Variants in MUC5B observed in about 807,000 individuals in gnomAD.
The protein encoded by MUC5B is mucin-5B.
In MUC5B, 116 loss-of-function variants were observed where a neutral mutation model predicts 376.9. That is an observed-to-expected ratio of 0.31 (90% CI 0.26 to 0.36). The LOEUF (loss-of-function observed/expected upper bound fraction) is 0.36. MUC5B is among the 10% of genes least tolerant of loss of function. The probability of loss-of-function intolerance (pLI) is 1.00; values close to 1 mark genes in which losing one functional copy is unlikely to be tolerated. For missense variants in MUC5B, 7,165 were observed against 7,769.9 expected (o/e 0.92, Z 2.93); for synonymous variants, 3,517 against 3,390.9 (o/e 1.04, Z -1.29).
In MUC5B at chr11:1,261,569, C is replaced by T. The variant is rs373932014; in HGVS notation, c.17250C>T (p.His5750=). 4.4e-6 allele frequency: 7 copies of T among 1,608,236 alleles called. No homozygotes were observed. The highest frequency in any genetic ancestry group is 2.7e-5 in the African/African-American group (2 of 74,870). Residue 5750 remains histidine, a synonymous_variant, in exon 49 of 49, where the codon CAC becomes CAT. Transcript: ENST00000529681. Reference sequence around the variant, plus strand: ...TCCCTGCGCCCATGGCTCCCCCACACACCCGTGGCTTCCCGGCCCAGGAGG... The same window carrying T: ...TCCCTGCGCCCATGGCTCCCCCACATACCCGTGGCTTCCCGGCCCAGGAGG... ...FCVPAPMAPP[H]TRGFPAQEAT...
rs1196763367 is a variant in MUC5B, at chr11:1,248,014, C to G, written c.11134C>G (p.Pro3712Ala). 1 of 1,608,542 alleles carries G rather than the reference C, an allele frequency of 6.2e-7. No individual in the cohort carries two copies. The highest frequency in any genetic ancestry group is 1.3e-5 in the African/African-American group (1 of 74,142). ...TTESTGSTAT[P>A]SSTPGTTWIL... ...TGAGTCCACTGGATCCACGGCCACCCCGTCCTCCACCCCAGGGACCACCTG... is the reference window on the plus strand; with the variant it reads ...TGAGTCCACTGGATCCACGGCCACCGCGTCCTCCACCCCAGGGACCACCTG... Residue 3712 changes from proline (P) to alanine (A), a missense_variant, in exon 31 of 49, where the codon CCG becomes GCG. Pro to Ala is a conservative substitution (Grantham distance 27). Around this residue, in one of 31 missense-constraint regions of MUC5B, gnomAD observed 90 missense variants for 71.1 expected, o/e 1.27. Transcript: ENST00000529681.
Position 1,245,359 on chromosome 11 carries a change from A to C in MUC5B, c.8479A>C (p.Thr2827Pro), listed in dbSNP as rs537188799. Residue 2827 changes from threonine (T) to proline (P), a missense_variant, in exon 31 of 49, where the codon ACG (threonine) becomes CCG (proline). Thr to Pro is a conservative substitution (Grantham distance 38, BLOSUM62 -1). This residue lies in a region of MUC5B where 50 missense variants were observed against 66.4 expected (regional missense o/e 0.75). Coordinates refer to ENST00000529681, the MANE Select transcript of MUC5B (RefSeq NM_002458.3). The part of the protein sequence containing the change: ...RTTESPPSPG[T>P]TTPGHTRATS... ...CACCGAGTCACCCCCTTCTCCAGGGACGACCACCCCGGGCCACACCAGGGC... is the reference window on the plus strand; with the variant it reads ...CACCGAGTCACCCCCTTCTCCAGGGCCGACCACCCCGGGCCACACCAGGGC... 3 of 1,585,222 alleles carry C rather than the reference A, an allele frequency of 1.9e-6. No individual in the cohort carries two copies. The highest frequency in any genetic ancestry group is 4.5e-5 in the East Asian group (2 of 44,586).
rs775486456 is a variant in MUC5B, at chr11:1,251,497, A to T, written c.14617A>T (p.Thr4873Ser). ...GGCCACCGCCTCCTCCACTCTGGGAACAGCTCACACCCCCAAAGTGGTGAC... is the reference window on the plus strand; with the variant it reads ...GGCCACCGCCTCCTCCACTCTGGGATCAGCTCACACCCCCAAAGTGGTGAC... Reference protein sequence around the residue: ...STATASSTLGTAHTPKVVTTM... With the variant: ...STATASSTLGSAHTPKVVTTM... The change falls in exon 31 of 49, where the codon ACA becomes TCA. Residue 4873 changes from threonine (T) to serine (S), a missense_variant. By Grantham distance (58) the Thr-to-Ser change is moderately conservative (BLOSUM62 1). Transcript: ENST00000529681. 6.2e-7 allele frequency: 1 copy of T among 1,613,008 alleles called. No individual in the cohort carries two copies. Among genetic ancestry groups the T allele is most frequent in the African/African-American group, 1.3e-5 (1 of 74,930 alleles).
In MUC5B at chr11:1,258,448, T is replaced by A; in HGVS notation, c.16593+81T>A. 1 of 1,498,934 alleles carries A rather than the reference T, an allele frequency of 6.7e-7. No individual in the cohort carries two copies. The highest frequency in any genetic ancestry group is 1.2e-5 in the South Asian group (1 of 83,086). 92.9% of individuals were successfully genotyped at this position (1,498,934 alleles called of 1,614,324 possible). A position where few individuals can be genotyped will look rare whatever the true frequency, so the allele number is the denominator to read the frequency against. On this transcript the variant is annotated intron_variant, in intron 43 of 48. Coordinates refer to ENST00000529681, the MANE Select transcript of MUC5B (RefSeq NM_002458.3). This position sits in a 1 kb window ranked among gnomAD's most constrained non-coding sequence, Gnocchi z 5.5. ...TGCCCCGGGGCTCTCTGAGCCCCACTCCTTGTCTTGACATTCCTGCCCTGA... is the reference window on the plus strand; with the variant it reads ...TGCCCCGGGGCTCTCTGAGCCCCACACCTTGTCTTGACATTCCTGCCCTGA...
At position 1,251,624 on chromosome 11, in the gene MUC5B, C is replaced by G. The variant is rs1178601216; in HGVS notation, c.14744C>G (p.Thr4915Ser). Residue 4915 changes from threonine to serine, a missense_variant, in exon 31 of 49, where the codon ACC becomes AGC. Transcript: ENST00000529681. ...GCAGTGCTCCCCAGCAGCCTGCCAA[C>G]CTTCAGCGTGTCCACTGTGTCCTCC... is the stretch of plus-strand genomic sequence containing the variant. ...TPAVLPSSLP[T>S]FSVSTVSSSV... 10 of 1,613,110 alleles carry G rather than the reference C, an allele frequency of 6.2e-6. No individual in the cohort carries two copies. The highest frequency in any genetic ancestry group is 1.3e-5 in the African/African-American group (1 of 75,056).
In MUC5B at chr11:1,262,051, T is replaced by C. The variant is rs992570391; in HGVS notation, c.*443T>C. On this transcript the variant is annotated 3_prime_UTR_variant, in exon 49 of 49. Coordinates refer to ENST00000529681, the MANE Select transcript of MUC5B (RefSeq NM_002458.3). The stretch of plus-strand genomic sequence containing the variant: ...GACAGGCAAGGCGGCCGCCTGTCCA[T>C]GCCTGCTGCAGGGTAACTCAGGGCT... The C allele has an allele frequency of 5.7e-6, 3 of 527,632 alleles. No homozygotes were observed. Among genetic ancestry groups the C allele is most frequent in the Non-Finnish European group, 1.1e-5 (3 of 265,244 alleles). The allele number at this position is 527,632 out of a possible 1,614,324, so 32.7% of individuals were successfully genotyped here.
In MUC5B at chr11:1,253,999, C is replaced by T. The variant is rs369183619; in HGVS notation, c.15218-93C>T. 1.2e-5 allele frequency: 18 copies of T among 1,499,226 alleles called. No homozygotes were observed. The highest frequency in any genetic ancestry group is 1.4e-5 in the African/African-American group (1 of 72,498). The allele number at this position is 1,499,226 out of a possible 1,614,324, so 92.9% of individuals were successfully genotyped here. ...CAGGGGCTTCAGTGGCTCCCCAAGGCGGCAGTCACAGTGGTGACGCTGGCT... is the reference window on the plus strand; with the variant it reads ...CAGGGGCTTCAGTGGCTCCCCAAGGTGGCAGTCACAGTGGTGACGCTGGCT... On this transcript the variant is annotated intron_variant, in intron 33 of 48. Transcript: ENST00000529681. This position sits in a 1 kb window ranked among gnomAD's most constrained non-coding sequence, Gnocchi z 4.3.
chr11:1,240,112 T>C, intron 29 of MUC5B, 24 bp downstream of exon 29: 3 of 1,562,748 alleles, frequency 1.9e-6, no homozygotes, highest in Non-Finnish European at 2.6e-6. Context: ...GGGGGGTTAG[T>C]GGGCCGGTGA....
In MUC5B at chr11:1,253,449, C is replaced by T. The variant is rs922168580; in HGVS notation, c.15217+469C>T. Among the ~76,000 whole-genome samples, 3 of 152,068 alleles carry T rather than the reference C, an allele frequency of 2.0e-5. No homozygotes were observed. The highest frequency in any genetic ancestry group is 6.5e-5 in the Admixed American group (1 of 15,274). On this transcript the variant is annotated intron_variant, in intron 33 of 48. Coordinates refer to ENST00000529681, the MANE Select transcript of MUC5B (RefSeq NM_002458.3). This position sits in a 1 kb window ranked among gnomAD's most constrained non-coding sequence, Gnocchi z 4.3. ...GCTTTTGTCTCCTGGGTCCTAACAGCGGCTTCCATCACCGTGCGGGACCCA... is the reference window on the plus strand; with the variant it reads ...GCTTTTGTCTCCTGGGTCCTAACAGTGGCTTCCATCACCGTGCGGGACCCA...
Position 1,232,180 on chromosome 11 carries a change from C to A in MUC5B, c.1843+20C>A. On this transcript the variant is annotated intron_variant, in intron 15 of 48. Transcript: ENST00000529681. ...AGAATGGTACTCCTCGCCCCCACCC[C>A]CACAGTCACCCCAGGCTCAAGTCCC... 6.4e-7 allele frequency: 1 copy of A among 1,567,716 alleles called. No homozygotes were observed. The highest frequency in any genetic ancestry group is 1.2e-5 in the South Asian group (1 of 82,722).
chr11:1,226,109 A>C (rs1018531194), intron 2 of MUC5B, 96 bp from the exon 3 acceptor site: 4 of 1,299,368 alleles, frequency 3.1e-6, no homozygotes, highest in Non-Finnish European at 3.2e-6. Context: ...GCTCCCCTTC[A>C]ACTCTGGTGG....
chr11:1,245,328 C>G lies in MUC5B; in HGVS notation c.8448C>G (p.Ser2816Arg), dbSNP rs1488773529. 6 of 1,596,278 alleles carry G rather than the reference C, an allele frequency of 3.8e-6. No individual in the cohort carries two copies. In the African/African-American group the frequency reaches 6.9e-5, roughly 18 times the overall value. ...TPALSSPHPS[S>R]RTTESPPSPG... is the part of the protein sequence containing the mutation. ...CCCTGTCCAGCCCTCACCCTAGCAGCAGGACCACCGAGTCACCCCCTTCTC... is the reference window on the plus strand; with the variant it reads ...CCCTGTCCAGCCCTCACCCTAGCAGGAGGACCACCGAGTCACCCCCTTCTC... The change falls in exon 31 of 49, where the codon AGC (serine) becomes AGG (arginine). Residue 2816 changes from serine to arginine, a missense_variant. Ser to Arg is a moderately radical substitution (Grantham distance 110). Transcript: ENST00000529681.
Position 1,235,240 on chromosome 11 carries a change from C to T in MUC5B, c.2769+17C>T, listed in dbSNP as rs1231203077. The T allele has an allele frequency of 6.2e-7, 1 of 1,611,894 alleles. No homozygotes were observed. The highest frequency in any genetic ancestry group is 1.7e-5 in the Admixed American group (1 of 59,988). ...TTGGCCCAGGTACGCCGCCCCCTCG[C>T]CCACTCCTGCAGGCCGGGCACACTC... On this transcript the variant is annotated intron_variant, in intron 22 of 48. Transcript: ENST00000529681.
At chr11:1,259,480 GA>G in intron 44 of MUC5B, 1 of 559,794 alleles carries the variant, frequency 1.8e-6, no homozygotes, top group Admixed American at 3.2e-5. Flanking sequence ...GAGGATAACT[GA>G]GGGGGTCTGG....
chr11:1,255,205 T>C lies in MUC5B; in HGVS notation c.15829T>C (p.Ser5277Pro). The change falls in exon 36 of 49, where the codon TCT becomes CCT. Residue 5277 changes from serine (S) to proline (P), a missense_variant. Transcript: ENST00000529681. ...PPTASPAAPV[S>P]STPTPTPCPP... Reference sequence around the variant, plus strand: ...CACTGCCAGCCCCGCAGCCCCGGTGTCTAGCACACCCACCCCCACCCCATG... The same window carrying C: ...CACTGCCAGCCCCGCAGCCCCGGTGCCTAGCACACCCACCCCCACCCCATG... The C allele has an allele frequency of 6.5e-7, 1 of 1,532,148 alleles. No individual in the cohort carries two copies. Among genetic ancestry groups the C allele is most frequent in the Non-Finnish European group, 8.8e-7 (1 of 1,137,100 alleles). 94.9% of individuals were successfully genotyped at this position (1,532,148 alleles called of 1,614,324 possible).
chr11:1,233,320 C>T, intron 18 of MUC5B, 52 bp downstream of exon 18: 5 of 1,456,552 alleles, frequency 3.4e-6, no homozygotes, highest in South Asian at 1.4e-5. Context: ...AGAGCCACTT[C>T]CCGCCCTCCC....
In MUC5B at chr11:1,241,836, C is replaced by T. The variant is rs747215661; in HGVS notation, c.4956C>T (p.Thr1652=). Residue 1652 remains threonine, a synonymous_variant, in exon 31 of 49, where the codon ACC becomes ACT. Transcript: ENST00000529681. ...APPASTTAVP[T]LSEGLTSPRY... Reference sequence around the variant, plus strand: ...CGGCCAGCACCACAGCAGTCCCCACCCTCTCAGAAGGACTGACATCCCCCA... The same window carrying T: ...CGGCCAGCACCACAGCAGTCCCCACTCTCTCAGAAGGACTGACATCCCCCA... The T allele has an allele frequency of 8.1e-6, 13 of 1,613,468 alleles. No homozygotes were observed. In the East Asian group the frequency reaches 1.1e-4, roughly 14 times the overall value.
At position 1,261,742 on chromosome 11, in the gene MUC5B, G is replaced by C. The variant is rs149035825; in HGVS notation, c.*134G>C. Reference sequence around the variant, plus strand: ...GCACCCCGCGCTCCGTGCTCCTGCTGCCCACCCCGTGGGTGAAACCGGCCC... The same window carrying C: ...GCACCCCGCGCTCCGTGCTCCTGCTCCCCACCCCGTGGGTGAAACCGGCCC... On this transcript the variant is annotated 3_prime_UTR_variant, in exon 49 of 49. Transcript: ENST00000529681. The C allele has an allele frequency of 3.2e-5, 30 of 926,534 alleles. No individual in the cohort carries two copies. In the East Asian group the frequency reaches 7.6e-4, roughly 23 times the overall value. 57.4% of individuals were successfully genotyped at this position (926,534 alleles called of 1,614,324 possible).
chr11:1,236,999 G>C lies in MUC5B; in HGVS notation c.3132G>C (p.Val1044=), dbSNP rs763856759. Residue 1044 remains valine, a synonymous_variant, in exon 25 of 49, where the codon GTG becomes GTC. Coordinates refer to ENST00000529681, the MANE Select transcript of MUC5B (RefSeq NM_002458.3). The stretch of plus-strand genomic sequence containing the variant: ...ACTTTGCCACGCGTAGCCGGTCCGT[G>C]GTGGGGGACGCACTGGAGTTTGGGA... ...INDFATRSRS[V]VGDALEFGNS... 4 of 1,573,550 alleles carry C rather than the reference G, an allele frequency of 2.5e-6. No individual in the cohort carries two copies. The South Asian group carries it at 3.5e-5, about 14-fold the overall frequency.
Sources: allele counts gnomAD v4.1 joint callset (sites outside exome capture counted in the v4.1 genomes callset), GRCh38; gene constraint gnomAD v4.1.1; regional missense constraint gnomAD v4.1.1; non-coding constraint Gnocchi (gnomAD v3.1); transcripts MANE v1.5; gene names NCBI Gene and HGNC (gene_info 2026-07-23, HGNC 2026-07-21).